The following CELF4 variants were observed in gnomAD, a reference collection of about 807,000 sequenced individuals.
CELF4 encodes CUG-BP- and ETR-3-like factor 4.
CELF4 carries 18 observed loss-of-function variants against 59.9 expected under a neutral mutation model. That is an observed-to-expected ratio of 0.30 (90% confidence interval 0.21 to 0.45). The LOEUF (loss-of-function observed/expected upper bound fraction) is 0.45, where lower values mean the gene tolerates loss of function less well. CELF4 is among the 20% of genes least tolerant of loss of function. The pLI is 1.00. For synonymous variants in CELF4, 261 were observed against 267.1 expected (o/e 0.98, Z 0.22); for missense variants, 456 against 689.0 (o/e 0.66, Z 3.79).
intron 1 of CELF4, among the ~76,000 whole-genome samples, chr18:37,504,140 A>T (rs1305464696): frequency 1.3e-5 from 2 of 152,132 alleles, no homozygotes; most frequent in Non-Finnish European, 2.9e-5. Flanking sequence ...GGAGGAATGG[A>T]GTTGGATGAG....
intron 2 of CELF4, among the ~76,000 whole-genome samples, chr18:37,448,869 A>G (rs1366544288): frequency 6.6e-6 from 1 of 152,174 alleles, no homozygotes; most frequent in African/African-American, 2.4e-5. Flanking sequence ...AGCAGATGCT[A>G]TCCTGCCCAC....
chr18:37,539,929 T>C (rs1477065745), intron 1 of CELF4, among the ~76,000 whole-genome samples: 1 of 152,248 alleles, frequency 6.6e-6, no homozygotes, highest in East Asian at 1.9e-4. Flanking sequence ...AGCGCAGGCC[T>C]GGCACATTAG....
At chr18:37,465,059 A>G (rs1345233446) in intron 2 of CELF4, among the ~76,000 whole-genome samples, 1 of 152,116 alleles carries the variant, frequency 6.6e-6, no homozygotes, top group Non-Finnish European at 1.5e-5. Context: ...TCACCTATCA[A>G]TTAAAGAGGG....
chr18:37,486,499 G>A (rs1056031757), intron 1 of CELF4, among the ~76,000 whole-genome samples: 6 of 152,230 alleles, frequency 3.9e-5, no homozygotes, highest in African/African-American at 1.4e-4. Context: ...AAGAGAGTGG[G>A]GATGGGGGAG....
At chr18:37,323,530 C>A (rs1397554363) in intron 2 of CELF4, among the ~76,000 whole-genome samples, 1 of 152,146 alleles carries the variant, frequency 6.6e-6, no homozygotes, top group African/African-American at 2.4e-5. Flanking sequence ...GGGAGAGGGG[C>A]TCCAGGAGGG....
chr18:37,340,086 C>T (rs1366864368), intron 2 of CELF4, among the ~76,000 whole-genome samples: 2 of 152,190 alleles, frequency 1.3e-5, no homozygotes, highest in Admixed American at 1.3e-4. Context: ...ATGGGGTCTC[C>T]CCCTTTCCTG....
chr18:37,553,833 A>G (rs2099983965), intron 1 of CELF4, among the ~76,000 whole-genome samples: 1 of 152,162 alleles, frequency 6.6e-6, no homozygotes, highest in Admixed American at 6.5e-5. Flanking sequence ...GGGGTGAGGC[A>G]GGGCCTGGGC....
intron 2 of CELF4, among the ~76,000 whole-genome samples, chr18:37,359,712 C>T (rs556474360): frequency 6.6e-6 from 1 of 152,278 alleles, no homozygotes; most frequent in South Asian, 2.1e-4. Flanking sequence ...ACATGCCCAG[C>T]TAATTTTTGT....
At chr18:37,411,942 C>T (rs1381384240) in intron 2 of CELF4, among the ~76,000 whole-genome samples, 1 of 152,248 alleles carries the variant, frequency 6.6e-6, no homozygotes, top group Non-Finnish European at 1.5e-5. Context: ...AGCCGCCTGG[C>T]ATACCAAAAG....
intron 1 of CELF4, among the ~76,000 whole-genome samples, chr18:37,516,996 C>T (rs757500950): frequency 3.9e-5 from 6 of 152,226 alleles, no homozygotes; most frequent in African/African-American, 9.6e-5. Context: ...CGGGACCGTG[C>T]CTTCAACTCT....
Position 37,394,705 on chromosome 18 carries a change from G to A in CELF4, c.370-72824C>T, listed in dbSNP as rs560485257. The stretch of plus-strand genomic sequence containing the variant: ...ATGGGGGGTGTCACACGGGTGAGAA[G>A]GTGGGAGGACTGAAGGGTCCAGAAG... On this transcript the variant is annotated intron_variant, in intron 2 of 12. Coordinates refer to ENST00000420428, the MANE Select transcript of CELF4 (RefSeq NM_020180.4). Among the ~76,000 whole-genome samples the A allele has an allele frequency of 1.4e-4, 21 of 152,292 alleles. No individual in the cohort carries two copies. The South Asian group carries it at 4.1e-3, about 30-fold the overall frequency.
intron 2 of CELF4, among the ~76,000 whole-genome samples, chr18:37,425,376 A>G (rs1035483026): frequency 2.0e-5 from 3 of 152,230 alleles, no homozygotes; most frequent in African/African-American, 7.2e-5. Context: ...TTCCCTGTTG[A>G]GTCAACCACA....
intron 2 of CELF4, among the ~76,000 whole-genome samples, chr18:37,416,178 T>TCATCCATC (rs5824059): frequency 6.5e-4 from 98 of 151,466 alleles, no homozygotes; most frequent in African/African-American, 2.0e-3. Context: ...CCATTTGAGG[T>TCATCCATC]CATCCATCCA....
intron 3 of CELF4, among the ~76,000 whole-genome samples, chr18:37,306,763 C>A (rs2154477532): frequency 6.6e-6 from 1 of 152,310 alleles, no homozygotes; most frequent in Non-Finnish European, 1.5e-5. Flanking sequence ...CGACACATTT[C>A]TTCCCATGGG....
chr18:37,282,722 A>G (rs930986341), intron 3 of CELF4, among the ~76,000 whole-genome samples: 8 of 152,094 alleles, frequency 5.3e-5, no homozygotes, highest in African/African-American at 1.7e-4. Flanking sequence ...TTCCAGCACC[A>G]CTGTCCACAC....
intron 2 of CELF4, among the ~76,000 whole-genome samples, chr18:37,408,638 C>T (rs2099409236): frequency 6.6e-6 from 1 of 152,096 alleles, no homozygotes; most frequent in African/African-American, 2.4e-5. Flanking sequence ...AGACCCAGTT[C>T]TCGGCTCCTT....
chr18:37,309,531 G>T (rs933291921), intron 3 of CELF4, among the ~76,000 whole-genome samples: 4 of 152,070 alleles, frequency 2.6e-5, no homozygotes, highest in Admixed American at 2.6e-4. Context: ...GGCTGGGTAG[G>T]GAAAAAGCAG....
chr18:37,458,618 G>A (rs2099785230), intron 2 of CELF4, among the ~76,000 whole-genome samples: 1 of 152,190 alleles, frequency 6.6e-6, no homozygotes, highest in Non-Finnish European at 1.5e-5. Flanking sequence ...AGAGCCTATT[G>A]CTGTTTGCAG....
chr18:37,361,044 C>T (rs512894), intron 2 of CELF4, among the ~76,000 whole-genome samples: 3,852 of 152,114 alleles, frequency 0.025, 161 homozygotes, highest in African/African-American at 0.087. Flanking sequence ...CCATGCCCCT[C>T]CCCACTCATG....
Sources: gnomAD v4.1 joint callset for allele counts (sites outside exome capture counted in the v4.1 genomes callset) on GRCh38, gnomAD v4.1.1 for gene constraint, MANE v1.5 for transcripts, NCBI Gene and HGNC (gene_info 2026-07-23, HGNC 2026-07-21) for gene names.